GLG1: variants seen among roughly 807,000 people sequenced by gnomAD.
The protein encoded by GLG1 is golgi glycoprotein 1, also known as Golgi apparatus protein 1.
A neutral mutation model predicts 160.5 loss-of-function variants in GLG1; 38 were observed. The ratio of observed to expected loss-of-function variants is 0.24; its 90% confidence interval spans 0.18 to 0.31. The LOEUF is 0.31. GLG1 is among the 10% of genes least tolerant of loss of function. The pLI, the probability that GLG1 is intolerant of heterozygous loss-of-function variation, is 1.00. For missense variants in GLG1, 1,373 were observed against 1,505.2 expected (o/e 0.91, Z 1.45); for synonymous variants, 644 against 543.4 (o/e 1.19, Z -2.57).
Position 74,606,733 on chromosome 16 carries a change from T to A in GLG1, c.362A>T (p.Asp121Val), listed in dbSNP as rs148785493. 2 of 1,612,704 alleles carry A rather than the reference T, an allele frequency of 1.2e-6. No homozygotes were observed. The highest frequency in any genetic ancestry group is 2.7e-5 in the African/African-American group (2 of 74,762). ...KLAEEESCRE[D>V]VTRVCPKHTW... ...GTGCTTAGGGCACACGCGGGTCACG[T>A]CCTCCCTGCAGGACTCTTCCTCCGC... Residue 121 changes from aspartate (D) to valine (V), a missense_variant, in exon 1 of 26, where the codon GAC becomes GTC. Physicochemically the swap from Asp to Val is radical, Grantham distance 152 (BLOSUM62 -3). Coordinates refer to ENST00000422840, the MANE Select transcript of GLG1 (RefSeq NM_001145667.2).
At chr16:74,548,941 A>AGCT (rs2018123435) in intron 1 of GLG1, among the ~76,000 whole-genome samples, 1 of 152,128 alleles carries the variant, frequency 6.6e-6, no homozygotes, top group Non-Finnish European at 1.5e-5. Flanking sequence ...GGTTGCAGCG[A>AGCT]GCTGAGATCA....
In GLG1 at chr16:74,462,512, G is replaced by A. The variant is rs2014841800; in HGVS notation, c.2910C>T (p.Cys970=). ...DSELEGQVIS[C]LKLRYADQRL... ...CCTGGTCAGCATATCTCAGCTTCAG[G>A]CAAGAGATGACTTGTCCTTCTAATT... The change falls in exon 21 of 26, where the codon TGC becomes TGT. Residue 970 remains cysteine (C), a synonymous_variant. Coordinates refer to ENST00000422840, the MANE Select transcript of GLG1 (RefSeq NM_001145667.2). 1 of 1,613,696 alleles carries A rather than the reference G, an allele frequency of 6.2e-7. No homozygotes were observed. Among genetic ancestry groups the A allele is most frequent in the South Asian group, 1.1e-5 (1 of 91,068 alleles).
intron 3 of GLG1, among the ~76,000 whole-genome samples, chr16:74,504,928 A>C (rs773663477): frequency 4.6e-5 from 7 of 152,256 alleles, no homozygotes; most frequent in Non-Finnish European, 1.0e-4. Flanking sequence ...TTATAAGCTT[A>C]AATTATAAAA....
intron 19 of GLG1, chr16:74,464,107 TCTTA>T (rs1204406583): frequency 6.5e-6 from 1 of 153,102 alleles, no homozygotes; most frequent in Non-Finnish European, 1.5e-5. Context: ...CCCCTTTCTT[TCTTA>T]TTCTCTACTA....
intron 3 of GLG1, among the ~76,000 whole-genome samples, chr16:74,504,586 C>A (rs373585789): frequency 4.2e-4 from 64 of 152,274 alleles, no homozygotes; most frequent in African/African-American, 1.5e-3. Flanking sequence ...CCTCACCTGG[C>A]CTACTTCTTG....
At chr16:74,474,347 T>C (rs76757155) in intron 13 of GLG1, 199 bp downstream of exon 13, 281 of 571,032 alleles carry the variant, frequency 4.9e-4, no homozygotes, top group African/African-American at 4.4e-3. Flanking sequence ...TAGAGTGTTG[T>C]TCTAGAGAAA....
intron 22 of GLG1, among the ~76,000 whole-genome samples, chr16:74,461,088 G>A (rs1309710604): frequency 1.3e-5 from 2 of 151,988 alleles, no homozygotes; most frequent in South Asian, 2.1e-4. Flanking sequence ...TGTTGAACAC[G>A]CTCTCCACAA....
At chr16:74,504,789 T>A (rs2016537248) in intron 3 of GLG1, among the ~76,000 whole-genome samples, 1 of 152,194 alleles carries the variant, frequency 6.6e-6, no homozygotes, top group South Asian at 2.1e-4. Context: ...TATGATCTAG[T>A]GGATCAGGCA....
At chr16:74,552,379 C>T (rs1567519249) in intron 1 of GLG1, 28 of 585,364 alleles carry the variant, frequency 4.8e-5, no homozygotes, top group Non-Finnish European at 2.3e-5. Context: ...ATGTGCCCAA[C>T]CTTCACATCA....
rs894378463 is a variant in GLG1 at position 74,450,822 on chromosome 16, T to A, written c.*2345A>T. ...GAGATCGCGCCACTGCACTGCAGCC[T>A]GGGCAACAGAGAGATACTCTGTCTC... On this transcript the variant is annotated 3_prime_UTR_variant, in exon 26 of 26. Transcript: ENST00000422840. The A allele has an allele frequency of 1.1e-4, 17 of 148,196 alleles. No homozygotes were observed. Among genetic ancestry groups the A allele is most frequent in the African/African-American group, 4.2e-4 (17 of 40,284 alleles). The allele number at this position is 148,196 out of a possible 1,614,324, so 9.2% of individuals were successfully genotyped here. A position where few individuals can be genotyped will look rare whatever the true frequency, so the allele number is the denominator to read the frequency against.
chr16:74,467,961 A>C lies in GLG1; in HGVS notation c.2437-113T>G, dbSNP rs923216272. ...TGTCTAGTGACCCTGGCTTCTACAT[A>C]GCAAAGTCGCCTTGCAGCAAGAGAA... On this transcript the variant is annotated intron_variant, in intron 17 of 25. Coordinates refer to ENST00000422840, the MANE Select transcript of GLG1 (RefSeq NM_001145667.2). The C allele has an allele frequency of 6.1e-5, 39 of 639,718 alleles. 1 individual carries two copies. In the Admixed American group the frequency reaches 9.7e-4, roughly 16 times the overall value. 39.6% of individuals were successfully genotyped at this position (639,718 alleles called of 1,614,324 possible).
Position 74,504,823 on chromosome 16 carries a change from T to C in GLG1, c.559-1077A>G, listed in dbSNP as rs577155448. ...CACAGAGTGATTCTGCATGGTGGTGTTCCTGCAAAGTGCATTCCAAACCAC... is the reference window on the plus strand; with the variant it reads ...CACAGAGTGATTCTGCATGGTGGTGCTCCTGCAAAGTGCATTCCAAACCAC... On this transcript the variant is annotated intron_variant, in intron 3 of 25. Coordinates refer to ENST00000422840, the MANE Select transcript of GLG1 (RefSeq NM_001145667.2). Among the ~76,000 whole-genome samples, 6 of 152,314 alleles carry C rather than the reference T, an allele frequency of 3.9e-5. No individual in the cohort carries two copies. In the South Asian group the frequency reaches 8.3e-4, roughly 21 times the overall value.
intron 17 of GLG1, 51 bp from the exon 18 acceptor site, chr16:74,467,899 G>A (rs753624509): frequency 8.2e-6 from 10 of 1,222,204 alleles, no homozygotes; most frequent in Middle Eastern, 3.8e-4. Flanking sequence ...GGCTGGAGAT[G>A]TCATATGTTC....
intron 12 of GLG1, among the ~76,000 whole-genome samples, chr16:74,475,413 C>T (rs1237531017): frequency 6.6e-6 from 1 of 152,064 alleles, no homozygotes; most frequent in African/African-American, 2.4e-5. Flanking sequence ...AATTGGGAAC[C>T]AGGGGTCTGG....
intron 19 of GLG1, among the ~76,000 whole-genome samples, chr16:74,464,234 T>C (rs1361051065): frequency 6.6e-6 from 1 of 152,204 alleles, no homozygotes; most frequent in Admixed American, 6.6e-5. Flanking sequence ...TAAGCATGAA[T>C]GTAACACTGT....
rs928486732 is a variant in GLG1 at position 74,530,413 on chromosome 16, C to A, written c.471+1708G>T. 9.2e-5 allele frequency among the ~76,000 whole-genome samples: 14 copies of A among 152,274 alleles called. 2 individuals carry two copies. On this transcript the variant is annotated intron_variant, in intron 2 of 25. Transcript: ENST00000422840. ...TGCAGAGAGCCAGAAAGTAACAGTT[C>A]TCAGGGAACTGTAGTCACTGTTGCA...
Position 74,457,940 on chromosome 16 carries a change from G to C in GLG1, c.3199C>G (p.Leu1067Val). ...ATGTCCAGGGCACAAGCAGTATGAA[G>C]TACCGGGTCAACAAAGATGTCTGCT... is the stretch of plus-strand genomic sequence containing the variant. Reference protein sequence around the residue: ...SKADIFVDPVLHTACALDIKH... With the variant: ...SKADIFVDPVVHTACALDIKH... Residue 1067 changes from leucine to valine, a missense_variant, in exon 24 of 26, where the codon CTT becomes GTT. Leu to Val is a conservative substitution (Grantham distance 32). This residue lies in a region of GLG1 where 491 missense variants were observed against 632.1 expected (regional missense o/e 0.78). Transcript: ENST00000422840. 6.2e-7 allele frequency: 1 copy of C among 1,613,764 alleles called. No individual in the cohort carries two copies. Among genetic ancestry groups the C allele is most frequent in the Non-Finnish European group, 8.5e-7 (1 of 1,179,646 alleles).
chr16:74,567,246 G>C (rs1050597647), intron 1 of GLG1, among the ~76,000 whole-genome samples: 2 of 151,560 alleles, frequency 1.3e-5, no homozygotes, highest in South Asian at 2.1e-4. Flanking sequence ...AGAGAGAGGA[G>C]TTAGCTGTTT....
chr16:74,469,240 G>A, intron 16 of GLG1, 177 bp from the exon 17 acceptor site: 1 of 599,696 alleles, frequency 1.7e-6, no homozygotes, highest in Non-Finnish European at 3.0e-6. Flanking sequence ...TTGACTGTGG[G>A]TGTCATGAAA....
Sources: allele counts gnomAD v4.1 joint callset (sites outside exome capture counted in the v4.1 genomes callset), GRCh38; gene constraint gnomAD v4.1.1; regional missense constraint gnomAD v4.1.1; transcripts MANE v1.5; gene names NCBI Gene and HGNC (gene_info 2026-07-23, HGNC 2026-07-21).